The following PPP2R2B variants were observed in gnomAD, a reference collection of about 807,000 sequenced individuals.
The protein encoded by PPP2R2B is serine/threonine-protein phosphatase 2A 55 kDa regulatory subunit B beta isoform.
A neutral mutation model predicts 46.0 loss-of-function variants in PPP2R2B; 5 were observed. The ratio of observed to expected loss-of-function variants is 0.11; its 90% CI spans 0.06 to 0.23. The LOEUF (loss-of-function observed/expected upper bound fraction) is 0.23. Ranked by LOEUF, PPP2R2B falls within the 10% of genes least tolerant of loss-of-function variation. PPP2R2B has a pLI of 1.00. For missense variants in PPP2R2B, 367 were observed against 575.0 expected (o/e 0.64, Z 3.70); for synonymous variants, 215 against 206.7 (o/e 1.04, Z -0.34).
chr5:146,849,831 G>A (rs1760231583), intron 2 of PPP2R2B, among the ~76,000 whole-genome samples: 1 of 152,094 alleles, frequency 6.6e-6, no homozygotes. Context: ...TCAAAATAGA[G>A]CTTCTACCCT....
At chr5:146,666,357 T>C (rs1776980755) in intron 5 of PPP2R2B, among the ~76,000 whole-genome samples, 1 of 152,204 alleles carries the variant, frequency 6.6e-6, no homozygotes, top group Non-Finnish European at 1.5e-5. Flanking sequence ...ACCGTAAATA[T>C]AGTATTATTT....
chr5:146,747,947 A>G (rs1253946041), intron 2 of PPP2R2B, among the ~76,000 whole-genome samples: 1 of 152,156 alleles, frequency 6.6e-6, no homozygotes, highest in Non-Finnish European at 1.5e-5. Context: ...CCTCTGTTCT[A>G]CACAAAGCAT....
At chr5:147,002,408 C>T (rs1257703101) in intron 1 of PPP2R2B, among the ~76,000 whole-genome samples, 1 of 152,112 alleles carries the variant, frequency 6.6e-6, no homozygotes, top group Non-Finnish European at 1.5e-5. Context: ...TCTGGAGATC[C>T]CTTCCATCCC....
At chr5:146,795,078 G>C (rs2151298499) in intron 2 of PPP2R2B, among the ~76,000 whole-genome samples, 1 of 152,144 alleles carries the variant, frequency 6.6e-6, no homozygotes, top group South Asian at 2.1e-4. Flanking sequence ...TGGGTTCTTA[G>C]TTGCAATGGT....
At chr5:146,987,161 T>A (rs575070059) in intron 1 of PPP2R2B, among the ~76,000 whole-genome samples, 4 of 152,240 alleles carry the variant, frequency 2.6e-5, no homozygotes, top group Non-Finnish European at 5.9e-5. Flanking sequence ...GGCAAAGCTA[T>A]CCTTAAAACA....
chr5:146,831,897 A>G (rs950501547), intron 2 of PPP2R2B, among the ~76,000 whole-genome samples: 1 of 152,202 alleles, frequency 6.6e-6, no homozygotes, highest in Non-Finnish European at 1.5e-5. Flanking sequence ...ATTGCCTTTG[A>G]AGGCCTTCCA....
intron 2 of PPP2R2B, among the ~76,000 whole-genome samples, chr5:146,852,584 G>A (rs753407605): frequency 2.0e-5 from 3 of 152,076 alleles, no homozygotes; most frequent in Non-Finnish European, 4.4e-5. Context: ...TTGTGGTTCC[G>A]CCTACTGTAG....
intron 2 of PPP2R2B, among the ~76,000 whole-genome samples, chr5:146,740,266 C>A (rs1215868514): frequency 4.6e-5 from 7 of 152,114 alleles, no homozygotes; most frequent in Non-Finnish European, 1.0e-4. Flanking sequence ...TCTGTGGTGA[C>A]AAGATAATGT....
At chr5:146,938,346 G>C (rs1764219381) in intron 1 of PPP2R2B, among the ~76,000 whole-genome samples, 1 of 152,132 alleles carries the variant, frequency 6.6e-6, no homozygotes, top group Non-Finnish European at 1.5e-5. Flanking sequence ...ATTCTAAAAT[G>C]TACTGATTCC....
chr5:146,856,043 C>A (rs1760642370), intron 2 of PPP2R2B, among the ~76,000 whole-genome samples: 1 of 152,122 alleles, frequency 6.6e-6, no homozygotes, highest in Non-Finnish European at 1.5e-5. Context: ...AAGTAAGATG[C>A]CCATATTGTC....
rs56371061 is a variant in PPP2R2B at position 146,849,105 on chromosome 5, C to T, written c.70+28897G>A. 7.5e-3 allele frequency among the ~76,000 whole-genome samples: 1,144 copies of T among 152,118 alleles called. 15 individuals carry two copies. Among genetic ancestry groups the T allele is most frequent in the Admixed American group, 0.024 (365 of 15,268 alleles). On this transcript the variant is annotated intron_variant, in intron 2 of 9. Coordinates refer to ENST00000394411, the MANE Select transcript of PPP2R2B (RefSeq NM_181675.4). ...CCAGACTCATATACTTCCTTTGCTA[C>T]TAGTAGCATCAGACATTTCTTCAAG...
chr5:147,030,244 G>A (rs1160653493), intron 1 of PPP2R2B, among the ~76,000 whole-genome samples: 1 of 152,030 alleles, frequency 6.6e-6, no homozygotes, highest in East Asian at 1.9e-4. Flanking sequence ...ATGTTATGTT[G>A]CTCTTATAAA....
chr5:146,754,100 T>C (rs1753709088), intron 2 of PPP2R2B, among the ~76,000 whole-genome samples: 2 of 152,144 alleles, frequency 1.3e-5, no homozygotes, highest in South Asian at 4.1e-4. Context: ...CCACCAAAGT[T>C]CTGCCACAAG....
intron 2 of PPP2R2B, among the ~76,000 whole-genome samples, chr5:146,874,958 T>A (rs1442985601): frequency 6.6e-6 from 1 of 152,222 alleles, no homozygotes; most frequent in Non-Finnish European, 1.5e-5. Context: ...CTGATGGAAA[T>A]ATAGCTTATA....
chr5:146,672,777 A>G (rs1777452451), intron 5 of PPP2R2B, among the ~76,000 whole-genome samples: 1 of 152,196 alleles, frequency 6.6e-6, no homozygotes, highest in Non-Finnish European at 1.5e-5. Context: ...TCCAAGTTCT[A>G]TAAAGACTCT....
intron 1 of PPP2R2B, among the ~76,000 whole-genome samples, chr5:147,010,304 AG>A (rs142438071): frequency 0.022 from 3,352 of 152,292 alleles, 147 homozygotes; most frequent in African/African-American, 0.075. Flanking sequence ...AGACTGGGGC[AG>A]GGTGGAAGGG....
intron 1 of PPP2R2B, among the ~76,000 whole-genome samples, chr5:147,045,106 G>T (rs1218283434): frequency 6.6e-6 from 1 of 152,170 alleles, no homozygotes; most frequent in African/African-American, 2.4e-5. Context: ...GTCACAGATA[G>T]ACATTCAGGA....
At chr5:147,010,525 A>C (rs1300181026) in intron 1 of PPP2R2B, among the ~76,000 whole-genome samples, 2 of 152,168 alleles carry the variant, frequency 1.3e-5, no homozygotes, top group Admixed American at 1.3e-4. Flanking sequence ...GATCCTCATA[A>C]GGTGTGTGCA....
At chr5:146,708,244 CTACTTGGGAGGCT>C (rs1474579027) in intron 2 of PPP2R2B, among the ~76,000 whole-genome samples, 2 of 151,412 alleles carry the variant, frequency 1.3e-5, no homozygotes, top group Non-Finnish European at 2.9e-5. Context: ...GTGGTCCCAG[CTACTTGGGAGGCT>C]GAGGTGGGAG....
Sources: allele counts gnomAD v4.1 joint callset (sites outside exome capture counted in the v4.1 genomes callset), GRCh38; gene constraint gnomAD v4.1.1; transcripts MANE v1.5; gene names NCBI Gene and HGNC (gene_info 2026-07-23, HGNC 2026-07-21).